The following VAV3 variants were observed in gnomAD, a reference collection of about 807,000 sequenced individuals.
VAV3 encodes guanine nucleotide exchange factor VAV3.
In VAV3, 94 loss-of-function variants were observed where a neutral mutation model predicts 131.2. That is an observed-to-expected ratio of 0.72 (90% CI 0.61 to 0.85). VAV3 has a LOEUF of 0.85. Among genes scored for constraint, VAV3 ranks in the 40% least tolerant of loss-of-function variants. The pLI is 0.00. For synonymous variants in VAV3, 349 were observed against 342.0 expected (o/e 1.02, Z -0.22); for missense variants, 939 against 1,002.7 (o/e 0.94, Z 0.86).
intron 19 of VAV3, among the ~76,000 whole-genome samples, chr1:107,678,458 C>T (rs918891455): frequency 6.6e-6 from 1 of 151,900 alleles, no homozygotes; most frequent in Non-Finnish European, 1.5e-5. Flanking sequence ...CATTTGTCTC[C>T]CTCATAAAAA....
intron 17 of VAV3, among the ~76,000 whole-genome samples, chr1:107,689,968 A>G (rs1659316963): frequency 6.6e-6 from 1 of 152,142 alleles, no homozygotes; most frequent in Non-Finnish European, 1.5e-5. Context: ...CTGGTGAGTT[A>G]GAGCCTGAAC....
At position 107,814,871 on chromosome 1, in the gene VAV3, T is replaced by A. The variant is rs368078997; in HGVS notation, c.322-35379A>T. ...GAGAGATTATTGAGAAACTCCAATT[T>A]CAACATCTTGAAAACTCAAATTGGG... On this transcript the variant is annotated intron_variant, in intron 2 of 26. Transcript: ENST00000370056. Among the ~76,000 whole-genome samples the A allele has an allele frequency of 3.9e-5, 6 of 152,306 alleles. No individual in the cohort carries two copies. In the East Asian group the frequency reaches 9.6e-4, roughly 24 times the overall value.
At chr1:107,899,901 T>TG (rs2101085065) in intron 1 of VAV3, among the ~76,000 whole-genome samples, 1 of 152,314 alleles carries the variant, frequency 6.6e-6, no homozygotes, top group East Asian at 1.9e-4. Context: ...GTATCTTAGC[T>TG]GGGTGGCTCT....
At chr1:107,687,442 A>G (rs1219361651) in intron 18 of VAV3, among the ~76,000 whole-genome samples, 1 of 152,110 alleles carries the variant, frequency 6.6e-6, no homozygotes, top group African/African-American at 2.4e-5. Flanking sequence ...ACAAATCATA[A>G]TTTTCATCGT....
chr1:107,771,228 G>A (rs1665024450), intron 5 of VAV3, among the ~76,000 whole-genome samples: 3 of 151,126 alleles, frequency 2.0e-5, no homozygotes, highest in Admixed American at 1.3e-4. Flanking sequence ...GATGGAATTG[G>A]GTTCAACACC....
At chr1:107,772,915 G>T in intron 4 of VAV3, 72 bp from the exon 5 acceptor site, 1 of 1,260,192 alleles carries the variant, frequency 7.9e-7, no homozygotes, top group Admixed American at 2.2e-5. Flanking sequence ...ATAGCCTACT[G>T]GATTTTAGTA....
chr1:107,945,770 C>T (rs997407486), intron 1 of VAV3, among the ~76,000 whole-genome samples: 4 of 142,672 alleles, frequency 2.8e-5, no homozygotes, highest in African/African-American at 1.1e-4. Flanking sequence ...TGCAGTGAAT[C>T]GAGATCGCGC....
intron 25 of VAV3, among the ~76,000 whole-genome samples, chr1:107,585,161 C>G (rs1434573928): frequency 1.3e-5 from 2 of 152,138 alleles, no homozygotes; most frequent in Admixed American, 1.3e-4. Context: ...GAGCAAAAAC[C>G]TTAGAATTAT....
Position 107,757,287 on chromosome 1 carries a change from G to A in VAV3, c.1060C>T (p.Leu354=), listed in dbSNP as rs1293124236. The A allele has an allele frequency of 1.2e-6, 2 of 1,613,408 alleles. No individual in the cohort carries two copies. Among genetic ancestry groups the A allele is most frequent in the Non-Finnish European group, 1.7e-6 (2 of 1,179,780 alleles). Residue 354 remains leucine (L), a synonymous_variant, in exon 11 of 27, where the codon CTG becomes TTG. Coordinates refer to ENST00000370056, the MANE Select transcript of VAV3 (RefSeq NM_006113.5). ...HTTDPTEKAN[L]KLALDAMKDL... ...TTCATGGCATCAAGAGCCAGTTTCA[G>A]ATTTGCCTTCTCAGTCGGATCAGTG...
At chr1:107,623,326 GTTTTA>G (rs756514355) in intron 20 of VAV3, among the ~76,000 whole-genome samples, 11 of 152,104 alleles carry the variant, frequency 7.2e-5, no homozygotes, top group Non-Finnish European at 1.5e-4. Flanking sequence ...CTAAATACTT[GTTTTA>G]TTTTATCTAT....
At chr1:107,825,768 C>T (rs1185431225) in intron 2 of VAV3, among the ~76,000 whole-genome samples, 3 of 152,122 alleles carry the variant, frequency 2.0e-5, no homozygotes, top group Admixed American at 2.0e-4. Flanking sequence ...AAGTCACTTC[C>T]TACTTGAATT....
At chr1:107,706,819 A>G (rs1027656128) in intron 15 of VAV3, among the ~76,000 whole-genome samples, 1 of 152,174 alleles carries the variant, frequency 6.6e-6, no homozygotes, top group Admixed American at 6.6e-5. Flanking sequence ...ATCAACCTGG[A>G]GTTTTCAAAC....
chr1:107,762,868 C>T (rs1664518869), intron 9 of VAV3, among the ~76,000 whole-genome samples: 1 of 152,052 alleles, frequency 6.6e-6, no homozygotes, highest in Non-Finnish European at 1.5e-5. Context: ...AGAATCCTTC[C>T]AAAACATCCA....
intron 1 of VAV3, among the ~76,000 whole-genome samples, chr1:107,942,917 C>T (rs921897790): frequency 2.6e-5 from 4 of 152,150 alleles, no homozygotes; most frequent in Admixed American, 6.5e-5. Context: ...ACCTAATGGC[C>T]AGAACTTAAT....
intron 2 of VAV3, 62 bp from the exon 3 acceptor site, chr1:107,779,554 C>CA: frequency 7.2e-7 from 1 of 1,388,922 alleles, no homozygotes; most frequent in East Asian, 2.7e-5. Flanking sequence ...TTTCTTTTTC[C>CA]AAAATTTTTT....
chr1:107,633,016 C>A (rs930024507), intron 20 of VAV3, among the ~76,000 whole-genome samples: 2 of 152,060 alleles, frequency 1.3e-5, no homozygotes, highest in African/African-American at 4.8e-5. Context: ...GAATAGGAGG[C>A]AGTAGTATTT....
chr1:107,835,690 G>T (rs1668446873), intron 2 of VAV3, among the ~76,000 whole-genome samples: 2 of 152,154 alleles, frequency 1.3e-5, no homozygotes, highest in African/African-American at 4.8e-5. Flanking sequence ...AGAGCAAGCT[G>T]GAGGTCCCCA....
At chr1:107,825,240 A>G (rs1667961336) in intron 2 of VAV3, among the ~76,000 whole-genome samples, 1 of 152,198 alleles carries the variant, frequency 6.6e-6, no homozygotes, top group Admixed American at 6.6e-5. Flanking sequence ...GGGCTGCCAC[A>G]TACAGATAGG....
At chr1:107,847,620 C>T (rs961052336) in intron 2 of VAV3, among the ~76,000 whole-genome samples, 13 of 152,176 alleles carry the variant, frequency 8.5e-5, no homozygotes, top group African/African-American at 3.1e-4. Context: ...TACAAACTAC[C>T]ATCAGAGAAT....
Sources: allele counts gnomAD v4.1 joint callset (sites outside exome capture counted in the v4.1 genomes callset), GRCh38; gene constraint gnomAD v4.1.1; transcripts MANE v1.5; gene names NCBI Gene and HGNC (gene_info 2026-07-23, HGNC 2026-07-21).